Variants in ZNF827 observed in about 807,000 individuals in gnomAD.
ZNF827 encodes zinc finger protein 827.
A neutral mutation model predicts 102.4 loss-of-function variants in ZNF827; 13 were observed. The observed-to-expected ratio is 0.13, with a 90% CI of 0.08 to 0.20. ZNF827 has a LOEUF of 0.20. ZNF827 is among the 10% of genes least tolerant of loss of function. The pLI is 1.00. For missense variants in ZNF827, 1,103 were observed against 1,344.4 expected (o/e 0.82, Z 2.81); for synonymous variants, 523 against 536.2 (o/e 0.98, Z 0.34).
chr4:145,793,318 T>TATTATATATATTA (rs1560931096), intron 8 of ZNF827, among the ~76,000 whole-genome samples: 19 of 138,470 alleles, frequency 1.4e-4, no homozygotes, highest in African/African-American at 3.7e-4. Context: ...TACTTATATA[T>TATTATATATATTA]AATATATATC....
intron 4 of ZNF827, among the ~76,000 whole-genome samples, chr4:145,880,113 T>C (rs1329999671): frequency 6.6e-6 from 1 of 152,178 alleles, no homozygotes; most frequent in Non-Finnish European, 1.5e-5. Context: ...CAGGTACCTT[T>C]AGTCCCAGCT....
intron 1 of ZNF827, among the ~76,000 whole-genome samples, chr4:145,912,789 GT>G (rs1752383934): frequency 6.6e-6 from 1 of 152,226 alleles, no homozygotes; most frequent in African/African-American, 2.4e-5. Flanking sequence ...GAGTGGCCTT[GT>G]GGACACCTTG....
intron 11 of ZNF827, among the ~76,000 whole-genome samples, chr4:145,770,334 ATAAATAAATAAAT>A (rs372193191): frequency 4.0e-5 from 6 of 149,522 alleles, no homozygotes; most frequent in African/African-American, 9.8e-5. Context: ...AAATAAATAA[ATAAATAAATAAAT>A]AAAATAGATC....
At chr4:145,836,179 C>T (rs528832582) in intron 7 of ZNF827, among the ~76,000 whole-genome samples, 3,799 of 151,780 alleles carry the variant, frequency 0.025, 149 homozygotes, top group African/African-American at 0.083. Flanking sequence ...TTACCTATCT[C>T]GGCATAATTC....
intron 1 of ZNF827, among the ~76,000 whole-genome samples, chr4:145,934,990 T>G (rs1408161590): frequency 6.6e-6 from 1 of 152,228 alleles, no homozygotes; most frequent in Non-Finnish European, 1.5e-5. Flanking sequence ...TAACCTCTTT[T>G]GTATTTACTC....
intron 8 of ZNF827, among the ~76,000 whole-genome samples, chr4:145,813,323 C>T (rs1742231955): frequency 6.6e-6 from 1 of 152,270 alleles, no homozygotes; most frequent in Middle Eastern, 3.4e-3. Context: ...AGAGAAGGAC[C>T]ACATTCACAT....
chr4:145,811,285 G>A (rs995325599), intron 8 of ZNF827, among the ~76,000 whole-genome samples: 2 of 152,076 alleles, frequency 1.3e-5, no homozygotes, highest in South Asian at 2.1e-4. Context: ...GAGCCACTGC[G>A]CCTGGCCCCT....
At chr4:145,816,837 T>C (rs1742638935) in intron 8 of ZNF827, among the ~76,000 whole-genome samples, 2 of 152,336 alleles carry the variant, frequency 1.3e-5, no homozygotes, top group South Asian at 4.1e-4. Flanking sequence ...GGAGAAGATA[T>C]ATCAACCTAC....
At chr4:145,813,661 C>T (rs1036413818) in intron 8 of ZNF827, among the ~76,000 whole-genome samples, 4 of 152,210 alleles carry the variant, frequency 2.6e-5, no homozygotes, top group Admixed American at 6.5e-5. Context: ...GTATTATAAT[C>T]AGTCTTACGA....
chr4:145,821,841 T>C (rs1050054221), intron 8 of ZNF827, among the ~76,000 whole-genome samples: 3 of 152,198 alleles, frequency 2.0e-5, no homozygotes, highest in African/African-American at 4.8e-5. Context: ...AATCACTCTT[T>C]AGGTCAAGTT....
At chr4:145,824,067 G>C (rs534173719) in intron 7 of ZNF827, among the ~76,000 whole-genome samples, 1 of 152,160 alleles carries the variant, frequency 6.6e-6, no homozygotes, top group Non-Finnish European at 1.5e-5. Context: ...GGTTCTGATG[G>C]AGTTAAAGTC....
chr4:145,908,252 C>T (rs1290689202), intron 1 of ZNF827, among the ~76,000 whole-genome samples: 2 of 152,210 alleles, frequency 1.3e-5, no homozygotes, highest in Admixed American at 6.5e-5. Context: ...ATTTCTAAAT[C>T]TACTCGCAAA....
intron 1 of ZNF827, among the ~76,000 whole-genome samples, chr4:145,930,787 T>C (rs1243335692): frequency 1.3e-5 from 2 of 152,154 alleles, no homozygotes; most frequent in Admixed American, 1.3e-4. Flanking sequence ...TGGGCGCGTA[T>C]CACTGTGCAT....
chr4:145,921,126 A>G (rs1423057855), intron 1 of ZNF827, among the ~76,000 whole-genome samples: 1 of 152,194 alleles, frequency 6.6e-6, no homozygotes, highest in Non-Finnish European at 1.5e-5. Flanking sequence ...GCTAAGTAGG[A>G]GGTTATCAGG....
chr4:145,833,706 CA>C (rs1744507323), intron 7 of ZNF827, among the ~76,000 whole-genome samples: 2 of 151,952 alleles, frequency 1.3e-5, no homozygotes, highest in Admixed American at 6.6e-5. Flanking sequence ...CTCTGTGCCC[CA>C]ATCCCTTATT....
At chr4:145,877,233 C>T (rs1418407377) in intron 4 of ZNF827, among the ~76,000 whole-genome samples, 6 of 152,190 alleles carry the variant, frequency 3.9e-5, no homozygotes, top group African/African-American at 1.4e-4. Flanking sequence ...CAGAGCTTAA[C>T]TCTCCAGATC....
At chr4:145,914,327 G>A (rs956571214) in intron 1 of ZNF827, among the ~76,000 whole-genome samples, 8 of 152,194 alleles carry the variant, frequency 5.3e-5, no homozygotes, top group African/African-American at 1.9e-4. Context: ...TTCCCCTAAC[G>A]CGCCCCCTGC....
intron 8 of ZNF827, among the ~76,000 whole-genome samples, chr4:145,808,013 G>A (rs912835794): frequency 1.3e-5 from 2 of 150,772 alleles, no homozygotes; most frequent in Non-Finnish European, 1.5e-5. Flanking sequence ...TTCACATACC[G>A]AAAGCTTGCC....
intron 8 of ZNF827, among the ~76,000 whole-genome samples, chr4:145,787,457 G>C (rs1355601172): frequency 3.7e-5 from 5 of 136,682 alleles, no homozygotes; most frequent in African/African-American, 1.4e-4. Flanking sequence ...GTGAGACTCC[G>C]TCTCAGGAAA....
Sources: gnomAD v4.1 joint callset for allele counts (sites outside exome capture counted in the v4.1 genomes callset) on GRCh38, gnomAD v4.1.1 for gene constraint, MANE v1.5 for transcripts, NCBI Gene and HGNC (gene_info 2026-07-23, HGNC 2026-07-21) for gene names.